SMAD4: variants seen among roughly 807,000 people sequenced by gnomAD.
SMAD4 encodes SMAD family member 4, also known as MAD homolog 4.
A neutral mutation model predicts 63.2 loss-of-function variants in SMAD4; 7 were observed. The observed-to-expected ratio is 0.11, with a 90% CI of 0.06 to 0.21. The LOEUF is 0.21. Ranked by LOEUF, SMAD4 falls within the 10% of genes least tolerant of loss-of-function variation. The probability of loss-of-function intolerance (pLI) is 1.00; values close to 1 mark genes in which losing one functional copy is unlikely to be tolerated. For missense variants in SMAD4, 312 were observed against 693.8 expected (o/e 0.45, Z 6.18); for synonymous variants, 215 against 235.4 (o/e 0.91, Z 0.79).
intron 7 of SMAD4, 30 bp downstream of exon 7, chr18:51,058,486 T>TTG: frequency 2.0e-6 from 1 of 496,604 alleles, no homozygotes; most frequent in Non-Finnish European, 2.9e-6. Context: ...GTAAGGGCTA[T>TTG]TTTTTTTTTT....
rs869312650 is a variant in SMAD4, at chr18:51,048,097, A to G, written c.250-589A>G. ...TTACAGAAATTTTGTCGTAGATTTT[A>G]AAGTTTTATTTCAAGACTTTACACA... On this transcript the variant is annotated intron_variant, in intron 2 of 11. Transcript: ENST00000342988. Among the ~76,000 whole-genome samples the G allele has an allele frequency of 1.3e-5, 2 of 152,248 alleles. No individual in the cohort carries two copies. Among genetic ancestry groups the G allele is most frequent in the Admixed American group, 6.5e-5 (1 of 15,286 alleles).
intron 10 of SMAD4, among the ~76,000 whole-genome samples, chr18:51,067,404 A>AT (rs1757392554): frequency 6.6e-6 from 1 of 150,522 alleles, no homozygotes; most frequent in Non-Finnish European, 1.5e-5. Flanking sequence ...TTTTTATTTT[A>AT]TTTATTTATT....
chr18:51,032,779 A>G (rs567407436), intron 1 of SMAD4, among the ~76,000 whole-genome samples: 32 of 152,280 alleles, frequency 2.1e-4, no homozygotes, highest in African/African-American at 7.2e-4. Context: ...GGTTAACCCT[A>G]CAGAATCTGT....
At chr18:51,043,473 G>T (rs1909448821) in intron 1 of SMAD4, among the ~76,000 whole-genome samples, 1 of 152,094 alleles carries the variant, frequency 6.6e-6, no homozygotes, top group Non-Finnish European at 1.5e-5. Flanking sequence ...TATTTATATC[G>T]ATATTATGCT....
rs550332143 is a variant in SMAD4 at position 51,035,860 on chromosome 18, G to T, written c.-128+5237G>T. ...AAAATAAAAATATTTTTTCCCATCT[G>T]ATTGCAACACACATGCTGCTTCAGA... On this transcript the variant is annotated intron_variant, in intron 1 of 11. Transcript: ENST00000342988. Among the ~76,000 whole-genome samples, 236 of 152,290 alleles carry T rather than the reference G, an allele frequency of 1.5e-3. 1 individual carries two copies. Among genetic ancestry groups the T allele is most frequent in the Non-Finnish European group, 2.0e-3 (137 of 68,020 alleles).
rs1910642124 is a variant in SMAD4 at position 51,082,850 on chromosome 18, A to G, written c.*4383A>G. On this transcript the variant is annotated 3_prime_UTR_variant, in exon 12 of 12. Transcript: ENST00000342988. The stretch of plus-strand genomic sequence containing the variant: ...TTTCTTCTTCTCTTTCTGATTCTTC[A>G]TTTCTGACTGCCTAGGCAAGGAAAC... 1 of 227,706 alleles carries G rather than the reference A, an allele frequency of 4.4e-6. No individual in the cohort carries two copies. The highest frequency in any genetic ancestry group is 2.2e-5 in the African/African-American group (1 of 44,716). The allele number at this position is 227,706 out of a possible 1,614,324, so 14.1% of individuals were successfully genotyped here. A position where few individuals can be genotyped will look rare whatever the true frequency, so the allele number is the denominator to read the frequency against.
chr18:51,049,376 GT>G, intron 4 of SMAD4, 52 bp downstream of exon 4: 3 of 1,378,656 alleles, frequency 2.2e-6, no homozygotes, highest in Non-Finnish European at 3.1e-6. Context: ...TATCCTCTCT[GT>G]TTTTTTGTTG....
intron 2 of SMAD4, among the ~76,000 whole-genome samples, chr18:51,047,781 G>A (rs992227960): frequency 6.6e-6 from 1 of 151,888 alleles, no homozygotes; most frequent in African/African-American, 2.4e-5. Context: ...GCTAATTTTT[G>A]TATTTTTAGT....
chr18:51,042,709 T>A lies in SMAD4; in HGVS notation c.-127-4211T>A, dbSNP rs542007712. The stretch of plus-strand genomic sequence containing the variant: ...CTGTACCCGGACTTGGTTGTTTTGT[T>A]TTTTATTTTTGAGACCAAATCTTAC... On this transcript the variant is annotated intron_variant, in intron 1 of 11. Transcript: ENST00000342988. Among the ~76,000 whole-genome samples, 13 of 151,572 alleles carry A rather than the reference T, an allele frequency of 8.6e-5. No individual in the cohort carries two copies. In the Middle Eastern group the frequency reaches 0.01, roughly 121 times the overall value.
At chr18:51,043,172 A>G (rs565929738) in intron 1 of SMAD4, among the ~76,000 whole-genome samples, 110 of 152,304 alleles carry the variant, frequency 7.2e-4, no homozygotes, top group Non-Finnish European at 9.4e-4. Flanking sequence ...TAAGGTGGTG[A>G]TATAAATTAT....
chr18:51,048,638 T>C (rs373729626), intron 2 of SMAD4, 48 bp from the exon 3 acceptor site: 4 of 1,501,856 alleles, frequency 2.7e-6, no homozygotes, highest in Admixed American at 1.7e-5. Flanking sequence ...TATATAAAAG[T>C]GTCTTGCATA....
intron 1 of SMAD4, among the ~76,000 whole-genome samples, chr18:51,039,347 G>C (rs1397190156): frequency 6.6e-6 from 1 of 152,192 alleles, no homozygotes; most frequent in Non-Finnish European, 1.5e-5. Flanking sequence ...TCTGGAGATA[G>C]AGCTGACCTC....
Position 51,047,085 on chromosome 18 carries a change from T to C in SMAD4, c.39T>C (p.Asn13=), listed in dbSNP as rs376371717. The C allele has an allele frequency of 6.2e-6, 10 of 1,613,830 alleles. No homozygotes were observed. The highest frequency in any genetic ancestry group is 7.6e-6 in the Non-Finnish European group (9 of 1,179,762). The change falls in exon 2 of 12, where the codon AAT becomes AAC. Residue 13 remains asparagine (N), a synonymous_variant. Transcript: ENST00000342988. ...CTATTACGAATACACCAACAAGTAA[T>C]GATGCCTGTCTGAGCATTGTGCATA... The part of the protein sequence containing the change: ...NMSITNTPTS[N]DACLSIVHSL...
At chr18:51,042,383 G>GCCTCCCTC (rs1460454861) in intron 1 of SMAD4, among the ~76,000 whole-genome samples, 2 of 119,974 alleles carry the variant, frequency 1.7e-5, no homozygotes, top group South Asian at 2.9e-4. Flanking sequence ...CTCCCTCCCT[G>GCCTCCCTC]CCTCCCTCCC....
Position 51,046,343 on chromosome 18 carries a change from A to G in SMAD4, c.-127-577A>G, listed in dbSNP as rs866184795. 3.9e-5 allele frequency among the ~76,000 whole-genome samples: 6 copies of G among 152,014 alleles called. No homozygotes were observed. The South Asian group carries it at 1.0e-3, about 26-fold the overall frequency. ...CATTGTGGTTTTGATTTTCATTTCC[A>G]TAATGTCTAATGTCGAGCATCTTTC... On this transcript the variant is annotated intron_variant, in intron 1 of 11. Transcript: ENST00000342988.
At position 51,068,423 on chromosome 18, in the gene SMAD4, C is replaced by T. The variant is rs142558432; in HGVS notation, c.1308+1236C>T. Among the ~76,000 whole-genome samples the T allele has an allele frequency of 8.3e-4, 127 of 152,250 alleles. 1 individual carries two copies. Among genetic ancestry groups the T allele is most frequent in the Non-Finnish European group, 1.1e-3 (78 of 68,030 alleles). On this transcript the variant is annotated intron_variant, in intron 10 of 11. Transcript: ENST00000342988. ...TGTGTGAGTAACTCATAAAATACTC[C>T]TGTGTAACTCACAAATCTATACAGA...
chr18:51,074,411 T>C (rs1447277174), intron 10 of SMAD4, among the ~76,000 whole-genome samples: 1 of 152,040 alleles, frequency 6.6e-6, no homozygotes, highest in Non-Finnish European at 1.5e-5. Flanking sequence ...GATACACATA[T>C]GGCAAACAAG....
At chr18:51,049,741 T>G (rs559612491) in intron 4 of SMAD4, among the ~76,000 whole-genome samples, 1 of 152,328 alleles carries the variant, frequency 6.6e-6, no homozygotes, top group South Asian at 2.1e-4. Flanking sequence ...TAATTTTCCT[T>G]CATTTCAGCC....
rs1057524633 is a variant in SMAD4, at chr18:51,048,802, A to G, written c.366A>G (p.Lys122=). 2.5e-6 allele frequency: 4 copies of G among 1,614,008 alleles called. No individual in the cohort carries two copies. Among genetic ancestry groups the G allele is most frequent in the African/African-American group, 1.3e-5 (1 of 74,938 alleles). The change falls in exon 3 of 12, where the codon AAA becomes AAG. Residue 122 remains lysine (K), a synonymous_variant. Transcript: ENST00000342988. ...VKYCQYAFDL[K]CDSVCVNPYH... ...ATTGTCAGTATGCGTTTGACTTAAAATGTGATAGTGTCTGTGTGAATCCAT... is the reference window on the plus strand; with the variant it reads ...ATTGTCAGTATGCGTTTGACTTAAAGTGTGATAGTGTCTGTGTGAATCCAT...
Sources: allele counts gnomAD v4.1 joint callset (sites outside exome capture counted in the v4.1 genomes callset), GRCh38; gene constraint gnomAD v4.1.1; transcripts MANE v1.5; gene names NCBI Gene and HGNC (gene_info 2026-07-23, HGNC 2026-07-21).